The following L3MBTL4 variants were observed in gnomAD, a reference collection of about 807,000 sequenced individuals.
The protein encoded by L3MBTL4 is L3MBTL histone methyl-lysine binding protein 4.
A neutral mutation model predicts 84.5 loss-of-function variants in L3MBTL4; 70 were observed. That is an observed-to-expected ratio of 0.83 (90% CI 0.68 to 1.01). The LOEUF (loss-of-function observed/expected upper bound fraction) is 1.01, where lower values mean the gene tolerates loss of function less well. L3MBTL4 is among the 50% of genes least tolerant of loss of function. L3MBTL4 has a pLI of 0.00. For missense variants in L3MBTL4, 715 were observed against 754.8 expected (o/e 0.95, Z 0.62); for synonymous variants, 274 against 259.8 (o/e 1.05, Z -0.52).
intron 16 of L3MBTL4, among the ~76,000 whole-genome samples, chr18:5,991,535 A>C (rs1356881238): frequency 1.3e-5 from 2 of 152,182 alleles, no homozygotes; most frequent in African/African-American, 4.8e-5. Flanking sequence ...AAGCTGCTAT[A>C]ATAGTAACCT....
intron 1 of L3MBTL4, among the ~76,000 whole-genome samples, chr18:6,411,681 C>T (rs2055970389): frequency 1.3e-5 from 2 of 152,078 alleles, no homozygotes; most frequent in Non-Finnish European, 2.9e-5. Flanking sequence ...AGCCATGGAA[C>T]TGTTCTTTTC....
At chr18:6,160,708 G>T (rs918695050) in intron 13 of L3MBTL4, among the ~76,000 whole-genome samples, 4 of 148,182 alleles carry the variant, frequency 2.7e-5, no homozygotes, top group African/African-American at 1.0e-4. Context: ...CCCAGCTTGG[G>T]TGACGAGAAT....
chr18:6,248,244 C>T (rs535018541), intron 5 of L3MBTL4, among the ~76,000 whole-genome samples: 61 of 152,222 alleles, frequency 4.0e-4, no homozygotes, highest in African/African-American at 1.4e-3. Flanking sequence ...TTTACCCATA[C>T]TGTCATAATA....
chr18:6,380,348 T>A (rs558041988), intron 1 of L3MBTL4, among the ~76,000 whole-genome samples: 4 of 152,268 alleles, frequency 2.6e-5, no homozygotes, highest in Admixed American at 1.3e-4. Flanking sequence ...TTATTTCTTG[T>A]CTTCTGCTAC....
At chr18:6,259,116 C>T (rs2048285542) in intron 5 of L3MBTL4, 1 of 152,136 alleles carries the variant, frequency 6.6e-6, no homozygotes, top group Non-Finnish European at 1.5e-5. Flanking sequence ...GAGGGAATGA[C>T]GTGTTGAGCT....
At chr18:6,038,323 G>A (rs140775263) in intron 16 of L3MBTL4, among the ~76,000 whole-genome samples, 6 of 138,040 alleles carry the variant, frequency 4.3e-5, no homozygotes, top group Non-Finnish European at 6.1e-5. Context: ...ATGCAATCTC[G>A]GCTCACTGCA....
intron 17 of L3MBTL4, 66 bp from the exon 18 acceptor site, chr18:5,960,222 T>G: frequency 1.1e-6 from 1 of 933,578 alleles, no homozygotes; most frequent in Non-Finnish European, 1.6e-6. Context: ...GTTGCAGTAA[T>G]CCAACATTTA....
At chr18:6,393,264 T>C (rs341221) in intron 1 of L3MBTL4, among the ~76,000 whole-genome samples, 78,397 of 151,770 alleles carry the variant, frequency 0.52, 20,306 homozygotes, top group East Asian at 0.59. Flanking sequence ...GTGATGCTCC[T>C]AGGACAGAAA....
intron 16 of L3MBTL4, chr18:6,030,114 T>A (rs2055715803): frequency 1.1e-6 from 1 of 929,338 alleles, no homozygotes; most frequent in African/African-American, 1.8e-5. Flanking sequence ...ATGTATGTGG[T>A]ATGCCATCAC....
At chr18:6,324,913 A>G (rs1048268781) in intron 1 of L3MBTL4, among the ~76,000 whole-genome samples, 5 of 152,230 alleles carry the variant, frequency 3.3e-5, no homozygotes, top group African/African-American at 4.8e-5. Context: ...AAGTTGCTTA[A>G]CTTCATTAGT....
intron 4 of L3MBTL4, among the ~76,000 whole-genome samples, chr18:6,270,013 T>C (rs762834043): frequency 8.5e-5 from 13 of 152,168 alleles, no homozygotes; most frequent in Non-Finnish European, 1.6e-4. Context: ...CCCTTCATGG[T>C]GATATTTCCA....
At chr18:6,223,867 C>T (rs2046664949) in intron 10 of L3MBTL4, among the ~76,000 whole-genome samples, 1 of 152,206 alleles carries the variant, frequency 6.6e-6, no homozygotes, top group African/African-American at 2.4e-5. Flanking sequence ...GAACTAGCCC[C>T]TATCAGCCAT....
At chr18:6,360,897 C>T (rs748370288) in intron 1 of L3MBTL4, among the ~76,000 whole-genome samples, 3 of 151,632 alleles carry the variant, frequency 2.0e-5, no homozygotes, top group Non-Finnish European at 4.4e-5. Context: ...TTTGTAGTCT[C>T]AGCTACCTGG....
intron 14 of L3MBTL4, among the ~76,000 whole-genome samples, chr18:6,112,614 G>T (rs561308287): frequency 6.6e-6 from 1 of 152,090 alleles, no homozygotes; most frequent in African/African-American, 2.4e-5. Flanking sequence ...TCTCTGCTCC[G>T]TATTCAGATT....
At chr18:5,968,451 G>A (rs1256959476) in intron 17 of L3MBTL4, among the ~76,000 whole-genome samples, 1 of 152,080 alleles carries the variant, frequency 6.6e-6, no homozygotes, top group East Asian at 1.9e-4. Context: ...TAATCCCAGT[G>A]CTTTGGGAGG....
At chr18:6,043,544 A>G (rs2056492891) in intron 16 of L3MBTL4, among the ~76,000 whole-genome samples, 2 of 152,206 alleles carry the variant, frequency 1.3e-5, no homozygotes. Context: ...TATATTAAAT[A>G]TCTTTGGAAT....
At chr18:6,160,945 T>G (rs1177483530) in intron 13 of L3MBTL4, among the ~76,000 whole-genome samples, 1 of 152,042 alleles carries the variant, frequency 6.6e-6, no homozygotes. Context: ...TTAAAGAAAA[T>G]TTACATCAAG....
At chr18:6,261,054 C>A (rs976870265) in intron 5 of L3MBTL4, 1 of 152,224 alleles carries the variant, frequency 6.6e-6, no homozygotes, top group Non-Finnish European at 1.5e-5. Flanking sequence ...GAGCTTAATT[C>A]TCTCTGCATT....
intron 16 of L3MBTL4, among the ~76,000 whole-genome samples, chr18:6,001,673 A>T (rs7244516): frequency 0.13 from 19,343 of 152,230 alleles, 1,523 homozygotes; most frequent in East Asian, 0.25. Context: ...CTAGAGGGAT[A>T]CTAAAGCAGA....
Sources: gnomAD v4.1 joint callset for allele counts (sites outside exome capture counted in the v4.1 genomes callset) on GRCh38, gnomAD v4.1.1 for gene constraint, MANE v1.5 for transcripts, NCBI Gene and HGNC (gene_info 2026-07-23, HGNC 2026-07-21) for gene names.